ZNF362: variants seen among roughly 807,000 people sequenced by gnomAD.
The protein encoded by ZNF362 is zinc finger protein 362.
In ZNF362, 11 loss-of-function variants were observed where a neutral mutation model predicts 42.9. The ratio of observed to expected loss-of-function variants is 0.26; its 90% CI spans 0.16 to 0.42. ZNF362 has a LOEUF of 0.42. ZNF362 is among the 20% of genes least tolerant of loss of function. The pLI is 1.00. For missense variants in ZNF362, 362 were observed against 576.2 expected, an observed-to-expected ratio of 0.63 and a Z score of 3.81; for synonymous variants, 255 against 257.3, an observed-to-expected ratio of 0.99 and a Z score of 0.09.
At chr1:33,284,997 T>C (rs1646021957) in intron 6 of ZNF362, among the ~76,000 whole-genome samples, 1 of 152,200 alleles carries the variant, frequency 6.6e-6, no homozygotes, top group Non-Finnish European at 1.5e-5. Flanking sequence ...AGTGTGAGGG[T>C]AAAAATCAGA....
the ZNF362 span, among the ~76,000 whole-genome samples, chr1:33,160,636 G>C: frequency 0.21 from 31,547 of 151,908 alleles, 3,488 homozygotes; most frequent in South Asian, 0.3. Flanking sequence ...AACACCTGAC[G>C]TTAGGTGATC....
chr1:33,172,348 G>A, the ZNF362 span, among the ~76,000 whole-genome samples: 1 of 152,168 alleles, frequency 6.6e-6, no homozygotes, highest in Non-Finnish European at 1.5e-5. Flanking sequence ...TGCAGGTGGG[G>A]AGAACAGGTT....
At chr1:33,219,770 T>C in the ZNF362 span, among the ~76,000 whole-genome samples, 4 of 152,128 alleles carry the variant, frequency 2.6e-5, no homozygotes, top group Admixed American at 6.5e-5. Context: ...AGCTCTAGCC[T>C]GACCTCTCCC....
chr1:33,262,164 A>C (rs1474081308), intron 1 of ZNF362, among the ~76,000 whole-genome samples: 1 of 151,126 alleles, frequency 6.6e-6, no homozygotes, highest in East Asian at 2.0e-4. Context: ...AGGGAAGGCC[A>C]AGGGATTTGG....
At chr1:33,189,648 T>TATATATATATGTATATATATAC in the ZNF362 span, among the ~76,000 whole-genome samples, 188 of 19,360 alleles carry the variant, frequency 9.7e-3, 5 homozygotes, top group African/African-American at 0.018. Flanking sequence ...TATATATATA[T>TATATATATATGTATATATATAC]ATATATATAT....
the ZNF362 span, chr1:33,181,112 G>C: frequency 6.2e-7 from 1 of 1,600,264 alleles, no homozygotes; most frequent in East Asian, 2.2e-5. This position sits in a 1 kb window ranked among gnomAD's most constrained non-coding sequence, Gnocchi z 6.5. Flanking sequence ...AGAGAAGCGC[G>C]CGGTCCGTGA....
the ZNF362 span, chr1:33,147,623 G>C: frequency 6.2e-7 from 1 of 1,614,082 alleles, no homozygotes; most frequent in Non-Finnish European, 8.5e-7. The surrounding 1 kb of genome is among the most constrained non-coding windows in gnomAD (Gnocchi z 8.1). Context: ...GGCGAGTCCT[G>C]CAGTGGCTGT....
intron 8 of ZNF362, among the ~76,000 whole-genome samples, chr1:33,296,203 T>C (rs780100100): frequency 7.2e-5 from 11 of 152,190 alleles, no homozygotes; most frequent in African/African-American, 1.2e-4. Context: ...CTTTCCACTG[T>C]GGGCGCTGGC....
the ZNF362 span, chr1:33,165,183 C>G: frequency 6.3e-6 from 2 of 315,846 alleles, no homozygotes; most frequent in African/African-American, 4.3e-5. This position sits in a 1 kb window ranked among gnomAD's most constrained non-coding sequence, Gnocchi z 4.0. Context: ...TCCCGGGACC[C>G]GCCTCAACTT....
At chr1:33,135,144 G>C in the ZNF362 span, among the ~76,000 whole-genome samples, 1 of 152,116 alleles carries the variant, frequency 6.6e-6, no homozygotes, top group African/African-American at 2.4e-5. Context: ...AAAAAATTTA[G>C]CCGGGCATGG....
At chr1:33,179,986 GTTTT>G in the ZNF362 span, among the ~76,000 whole-genome samples, 1 of 152,088 alleles carries the variant, frequency 6.6e-6, no homozygotes, top group Non-Finnish European at 1.5e-5. Context: ...CAGTTCTAAT[GTTTT>G]TGTTTGTTTG....
At chr1:33,180,349 C>A in the ZNF362 span, among the ~76,000 whole-genome samples, 27 of 152,120 alleles carry the variant, frequency 1.8e-4, no homozygotes, top group African/African-American at 6.3e-4. Context: ...TGGCTTAAAT[C>A]TAAACTTGTT....
the ZNF362 span, among the ~76,000 whole-genome samples, chr1:33,203,097 C>T: frequency 6.6e-6 from 1 of 152,116 alleles, no homozygotes; most frequent in Non-Finnish European, 1.5e-5. Context: ...GTTCATCCTA[C>T]ATAGCTACAA....
At chr1:33,282,204 G>T (rs534265391) in intron 6 of ZNF362, among the ~76,000 whole-genome samples, 1 of 152,264 alleles carries the variant, frequency 6.6e-6, no homozygotes, top group East Asian at 1.9e-4. Context: ...AGGCTGTCAC[G>T]CCCGTGTCTC....
At chr1:33,208,955 C>T in the ZNF362 span, among the ~76,000 whole-genome samples, 3 of 152,138 alleles carry the variant, frequency 2.0e-5, no homozygotes, top group Non-Finnish European at 2.9e-5. Flanking sequence ...ACTTCCAATA[C>T]TATGTTGAAT....
chr1:33,293,958 C>T (rs1646098579), intron 6 of ZNF362, among the ~76,000 whole-genome samples: 1 of 152,214 alleles, frequency 6.6e-6, no homozygotes, highest in Non-Finnish European at 1.5e-5. Context: ...CTTCCCGTCA[C>T]TCATGGTCTC....
chr1:33,247,804 C>T, the ZNF362 span, among the ~76,000 whole-genome samples: 10 of 152,180 alleles, frequency 6.6e-5, no homozygotes, highest in Admixed American at 1.3e-4. Flanking sequence ...TCATCGGCCT[C>T]GCTTTCTGAA....
rs919650923 is a variant in ZNF362 at position 33,298,736 on chromosome 1, A to G, written c.1147-194A>G. ...TTGCTGAGGGGTGAGCTCTCCAGCC[A>G]GCACTCATACTGGCAGCAGTGCAGT... On this transcript the variant is annotated intron_variant, in intron 8 of 8. Transcript: ENST00000539719. Among the ~76,000 whole-genome samples the G allele has an allele frequency of 3.0e-4, 45 of 152,200 alleles. 1 individual carries two copies. The highest frequency in any genetic ancestry group is 2.8e-3 in the Admixed American group (43 of 15,290).
In ZNF362 at chr1:33,281,998, C is replaced by T. The variant is rs909056818; in HGVS notation, c.908+187C>T. On this transcript the variant is annotated intron_variant, in intron 6 of 8. Transcript: ENST00000539719. This position sits in a 1 kb window ranked among gnomAD's most constrained non-coding sequence, Gnocchi z 4.8. The stretch of plus-strand genomic sequence containing the variant: ...GCACCCCGTCCCCACTGTTTCTCAT[C>T]TCTAGGTCTTTGCACATGCTGTGTC... The T allele has an allele frequency of 9.8e-6, 6 of 612,014 alleles. No homozygotes were observed. Among genetic ancestry groups the T allele is most frequent in the Non-Finnish European group, 1.7e-5 (6 of 346,316 alleles). The allele number at this position is 612,014 out of a possible 1,614,324, so 37.9% of individuals were successfully genotyped here. A position where few individuals can be genotyped will look rare whatever the true frequency, so the allele number is the denominator to read the frequency against.
Sources: allele counts gnomAD v4.1 joint callset (sites outside exome capture counted in the v4.1 genomes callset), GRCh38; gene constraint gnomAD v4.1.1; non-coding constraint Gnocchi (gnomAD v3.1); transcripts MANE v1.5; gene names NCBI Gene and HGNC (gene_info 2026-07-23, HGNC 2026-07-21).